The following XKR9 variants were observed in gnomAD, a reference collection of about 807,000 sequenced individuals.
XKR9 encodes XK related 9, also known as XK-related protein 9.
Under a neutral mutation model 32.0 loss-of-function variants are expected in XKR9, and 32 were observed. That is an observed-to-expected ratio of 1.00 (90% CI 0.76 to 1.34). The LOEUF (loss-of-function observed/expected upper bound fraction) is 1.34. XKR9 is among the 40% of genes most tolerant of loss of function. XKR9 has a pLI of 0.00. For synonymous variants in XKR9, 168 were observed against 143.4 expected, an observed-to-expected ratio of 1.17 and a Z score of -1.22; for missense variants, 546 against 429.7, an observed-to-expected ratio of 1.27 and a Z score of -2.39.
At chr8:70,986,618 C>T in the XKR9 span, among the ~76,000 whole-genome samples, 4 of 152,160 alleles carry the variant, frequency 2.6e-5, no homozygotes, top group African/African-American at 7.2e-5. Context: ...ACAGAAGCCA[C>T]CTTATTGGGT....
At chr8:70,837,409 C>T in the XKR9 span, among the ~76,000 whole-genome samples, 1 of 152,012 alleles carries the variant, frequency 6.6e-6, no homozygotes, top group Non-Finnish European at 1.5e-5. Flanking sequence ...ACCCTATAAA[C>T]ATTTGCTGTC....
downstream of XKR9, among the ~76,000 whole-genome samples, chr8:70,739,120 A>G (rs1806917382): frequency 6.6e-6 from 1 of 151,816 alleles, no homozygotes. Context: ...TTTGTAGGTC[A>G]CTCAGGACTT....
At chr8:70,982,808 A>C in the XKR9 span, among the ~76,000 whole-genome samples, 1 of 152,214 alleles carries the variant, frequency 6.6e-6, no homozygotes, top group Non-Finnish European at 1.5e-5. Flanking sequence ...ACTACATGCT[A>C]GTCCTGCCTC....
chr8:70,956,214 G>T, the XKR9 span, among the ~76,000 whole-genome samples: 39 of 152,278 alleles, frequency 2.6e-4, no homozygotes, highest in Non-Finnish European at 2.9e-4. Context: ...TGGACAACTG[G>T]AGGGTGAGCA....
At chr8:70,975,497 G>T in the XKR9 span, among the ~76,000 whole-genome samples, 15 of 152,132 alleles carry the variant, frequency 9.9e-5, no homozygotes, top group African/African-American at 3.6e-4. Flanking sequence ...ATTAAATACG[G>T]AATCCTTTCC....
At chr8:71,038,823 GAGAC>G in the XKR9 span, among the ~76,000 whole-genome samples, 2 of 43,978 alleles carry the variant, frequency 4.5e-5, no homozygotes, top group Admixed American at 5.6e-4. Flanking sequence ...TTTTTTTTTT[GAGAC>G]AGAGTCTTGT....
At chr8:70,862,092 A>G in the XKR9 span, among the ~76,000 whole-genome samples, 1 of 152,140 alleles carries the variant, frequency 6.6e-6, no homozygotes, top group Non-Finnish European at 1.5e-5. Flanking sequence ...TTATTGGAGG[A>G]TGTCTGGATG....
At chr8:70,738,161 T>G (rs1806897974), downstream of XKR9, among the ~76,000 whole-genome samples, 1 of 134,530 alleles carries the variant, frequency 7.4e-6, no homozygotes, top group Non-Finnish European at 1.7e-5. Flanking sequence ...GTTATTGGTC[T>G]ATTCAGAGAT....
chr8:70,759,525 G>A (rs1807277809), intron 2 of XKR9, among the ~76,000 whole-genome samples: 2 of 152,124 alleles, frequency 1.3e-5, no homozygotes, highest in East Asian at 1.9e-4. Context: ...TAATACAACA[G>A]TAAATAGAAA....
intron 2 of XKR9, among the ~76,000 whole-genome samples, chr8:70,754,266 G>T (rs571947181): frequency 6.8e-6 from 1 of 147,278 alleles, no homozygotes; most frequent in Admixed American, 7.7e-5. Context: ...AATAAAAGAG[G>T]ATACAAACAA....
At chr8:70,896,423 T>C in the XKR9 span, among the ~76,000 whole-genome samples, 1 of 152,098 alleles carries the variant, frequency 6.6e-6, no homozygotes, top group Non-Finnish European at 1.5e-5. Flanking sequence ...TTTGTTATTC[T>C]GTCTTTCAAG....
the XKR9 span, among the ~76,000 whole-genome samples, chr8:71,029,725 G>A: frequency 3.2e-3 from 481 of 151,936 alleles, 2 homozygotes; most frequent in African/African-American, 0.011. Flanking sequence ...AGTACTCACA[G>A]TTCTCTTTGA....
intron 3 of XKR9, among the ~76,000 whole-genome samples, chr8:70,696,366 G>A (rs1805276195): frequency 6.6e-6 from 1 of 152,148 alleles, no homozygotes; most frequent in African/African-American, 2.4e-5. Flanking sequence ...TGTATAAGGT[G>A]TAAGGAAGGG....
the XKR9 span, among the ~76,000 whole-genome samples, chr8:70,844,431 C>A: frequency 3.9e-5 from 6 of 152,158 alleles, no homozygotes; most frequent in East Asian, 1.2e-3. Flanking sequence ...TCACTGGCAG[C>A]AACTCTGTCC....
the XKR9 span, among the ~76,000 whole-genome samples, chr8:71,041,095 A>G: frequency 1.3e-5 from 2 of 152,188 alleles, no homozygotes; most frequent in East Asian, 1.9e-4. Flanking sequence ...GTCCAAAACC[A>G]TATTCAATGA....
chr8:70,725,520 G>C (rs1317685226), intron 4 of XKR9, among the ~76,000 whole-genome samples: 1 of 152,000 alleles, frequency 6.6e-6, no homozygotes, highest in Non-Finnish European at 1.5e-5. Flanking sequence ...ACAATTGAGG[G>C]GTGAGGAGAT....
chr8:70,978,386 C>A, the XKR9 span, among the ~76,000 whole-genome samples: 2 of 152,234 alleles, frequency 1.3e-5, no homozygotes, highest in Admixed American at 1.3e-4. Flanking sequence ...TTTTTCCTTT[C>A]CGTGTTTAGT....
intron 4 of XKR9, among the ~76,000 whole-genome samples, chr8:70,721,286 C>T (rs555637131): frequency 6.0e-5 from 9 of 151,242 alleles, no homozygotes; most frequent in South Asian, 2.1e-4. Context: ...AACGGTTTTT[C>T]GTTTCTCTAT....
the XKR9 span, among the ~76,000 whole-genome samples, chr8:70,818,086 G>T: frequency 6.6e-6 from 1 of 152,148 alleles, no homozygotes. Flanking sequence ...AAAAGCAACT[G>T]CAGCAAGAAC....
Sources: gnomAD v4.1 joint callset for allele counts (sites outside exome capture counted in the v4.1 genomes callset) on GRCh38, gnomAD v4.1.1 for gene constraint, MANE v1.5 for transcripts, NCBI Gene and HGNC (gene_info 2026-07-23, HGNC 2026-07-21) for gene names.